PKNOX2: variants seen among roughly 807,000 people sequenced by gnomAD.
PKNOX2 encodes the protein homeobox protein PKNOX2.
Under a neutral mutation model 53.1 loss-of-function variants are expected in PKNOX2, and 14 were observed. The ratio of observed to expected loss-of-function variants is 0.26; its 90% CI spans 0.17 to 0.41. The LOEUF is 0.41. PKNOX2 is among the 10% of genes least tolerant of loss of function. The pLI is 1.00. For synonymous variants in PKNOX2, 257 were observed against 242.8 expected (o/e 1.06, Z -0.54); for missense variants, 496 against 602.8 (o/e 0.82, Z 1.85).
At chr11:125,177,541 C>G (rs1286110878) in intron 1 of PKNOX2, among the ~76,000 whole-genome samples, 2 of 152,178 alleles carry the variant, frequency 1.3e-5, no homozygotes, top group Admixed American at 6.5e-5. Flanking sequence ...AGTTTCTTCC[C>G]TTTTGTGAAA....
chr11:125,353,226 A>G (rs1297285100), intron 4 of PKNOX2, among the ~76,000 whole-genome samples: 1 of 152,200 alleles, frequency 6.6e-6, no homozygotes, highest in East Asian at 1.9e-4. Context: ...CCACACCTCC[A>G]TACCCAAGAC....
rs1275139973 is a variant in PKNOX2 at position 125,183,424 on chromosome 11, G to A, written c.-201+18648G>A. Reference sequence around the variant, plus strand: ...GTAGAGACGGGGTTTCACCTTGTTAGCCAGGATGGTCTCGATCTCCTGACC... The same window carrying A: ...GTAGAGACGGGGTTTCACCTTGTTAACCAGGATGGTCTCGATCTCCTGACC... On this transcript the variant is annotated intron_variant, in intron 1 of 12. Coordinates refer to ENST00000298282, the MANE Select transcript of PKNOX2 (RefSeq NM_001382323.2). Among the ~76,000 whole-genome samples, 3 of 142,918 alleles carry A rather than the reference G, an allele frequency of 2.1e-5. 1 individual carries two copies. Among genetic ancestry groups the A allele is most frequent in the Non-Finnish European group, 4.6e-5 (3 of 64,872 alleles). The allele number at this position is 142,918 out of a possible 152,430, so 93.8% of individuals were successfully genotyped here.
At chr11:125,337,934 C>A (rs1950506821) in intron 3 of PKNOX2, among the ~76,000 whole-genome samples, 1 of 152,188 alleles carries the variant, frequency 6.6e-6, no homozygotes, top group Admixed American at 6.5e-5. Context: ...GACCCTTCCA[C>A]CTCTGTTGGT....
intron 2 of PKNOX2, among the ~76,000 whole-genome samples, chr11:125,318,343 A>G (rs1443968040): frequency 1.3e-5 from 2 of 149,824 alleles, no homozygotes. Flanking sequence ...TTGGTCTCAA[A>G]CTCCTGACCT....
intron 5 of PKNOX2, among the ~76,000 whole-genome samples, chr11:125,376,705 T>C (rs1486996478): frequency 6.6e-6 from 1 of 152,204 alleles, no homozygotes; most frequent in East Asian, 1.9e-4. Context: ...ATTCACTGAT[T>C]CGTCAAAAAT....
intron 10 of PKNOX2, among the ~76,000 whole-genome samples, chr11:125,427,233 C>T (rs1956476232): frequency 6.6e-6 from 1 of 152,212 alleles, no homozygotes; most frequent in Admixed American, 6.5e-5. Context: ...TCCCATCCTG[C>T]CTCCGCTCCT....
At chr11:125,229,241 C>T (rs1280324061) in intron 1 of PKNOX2, among the ~76,000 whole-genome samples, 1 of 152,174 alleles carries the variant, frequency 6.6e-6, no homozygotes, top group Non-Finnish European at 1.5e-5. Flanking sequence ...ATGAGTCAGC[C>T]TCTAGGTGTC....
intron 7 of PKNOX2, among the ~76,000 whole-genome samples, chr11:125,399,004 T>A (rs1276610766): frequency 6.6e-6 from 1 of 152,222 alleles, no homozygotes; most frequent in East Asian, 1.9e-4. Context: ...CCTAGACCCC[T>A]AAGGAACCAC....
At chr11:125,395,642 A>G (rs1954334572) in intron 6 of PKNOX2, among the ~76,000 whole-genome samples, 1 of 151,818 alleles carries the variant, frequency 6.6e-6, no homozygotes, top group African/African-American at 2.4e-5. Context: ...GTGATATCTC[A>G]TTGTGGTTTT....
intron 1 of PKNOX2, among the ~76,000 whole-genome samples, chr11:125,186,044 T>A (rs992069839): frequency 3.2e-5 from 4 of 125,508 alleles, no homozygotes; most frequent in Non-Finnish European, 7.0e-5. Context: ...CATTTGTTAT[T>A]CTCTGTTTTT....
intron 2 of PKNOX2, among the ~76,000 whole-genome samples, chr11:125,276,805 T>A (rs764058004): frequency 3.0e-4 from 45 of 152,166 alleles, no homozygotes; most frequent in Non-Finnish European, 4.9e-4. Context: ...ATGTTTGAAG[T>A]GAGTCTAGTC....
At position 125,267,245 on chromosome 11, in the gene PKNOX2, C is replaced by G. The variant is rs536903491; in HGVS notation, c.-130+32130C>G. On this transcript the variant is annotated intron_variant, in intron 2 of 12. Transcript: ENST00000298282. ...AACGACAGTTCTACCAAACTCCTCC[C>G]CTTGTGCTCATGTGTGTGTTCCCGT... 1.2e-4 allele frequency among the ~76,000 whole-genome samples: 19 copies of G among 152,186 alleles called. No individual in the cohort carries two copies. In the South Asian group the frequency reaches 1.4e-3, roughly 12 times the overall value.
At chr11:125,405,685 G>A (rs1229463428) in intron 7 of PKNOX2, among the ~76,000 whole-genome samples, 3 of 152,186 alleles carry the variant, frequency 2.0e-5, no homozygotes, top group South Asian at 2.1e-4. Flanking sequence ...CCAGAGGATG[G>A]TGCTCGGGAG....
At chr11:125,191,651 G>T (rs645219) in intron 1 of PKNOX2, among the ~76,000 whole-genome samples, 106,452 of 151,656 alleles carry the variant, frequency 0.7, 37,511 homozygotes, top group African/African-American at 0.75. Context: ...GGGGCGTGTG[G>T]TTGGGGTGGG....
At chr11:125,343,189 G>A (rs542734341) in intron 3 of PKNOX2, among the ~76,000 whole-genome samples, 1 of 152,304 alleles carries the variant, frequency 6.6e-6, no homozygotes, top group East Asian at 1.9e-4. Context: ...ACTGGCAAAA[G>A]CGGGACCCAG....
In PKNOX2 at chr11:125,249,840, T is replaced by G. The variant is rs567489569; in HGVS notation, c.-130+14725T>G. ...ATCCCAGCACTTTGGGAGGCCAAGG[T>G]GGGTGGATCACCTCAGGTTGGGAGT... is the stretch of plus-strand genomic sequence containing the variant. On this transcript the variant is annotated intron_variant, in intron 2 of 12. Transcript: ENST00000298282. Among the ~76,000 whole-genome samples the G allele has an allele frequency of 3.9e-5, 6 of 152,124 alleles. No homozygotes were observed. The South Asian group carries it at 1.2e-3, about 32-fold the overall frequency.
intron 2 of PKNOX2, among the ~76,000 whole-genome samples, chr11:125,321,094 G>A (rs1338216374): frequency 6.6e-6 from 1 of 152,204 alleles, no homozygotes; most frequent in Non-Finnish European, 1.5e-5. Context: ...AGGAAGAGCT[G>A]TATTTCAACT....
rs1292175557 is a variant in PKNOX2 at position 125,410,333 on chromosome 11, C to T, written c.718+8C>T. The T allele has an allele frequency of 1.2e-6, 2 of 1,613,844 alleles. No homozygotes were observed. Among genetic ancestry groups the T allele is most frequent in the Admixed American group, 1.7e-5 (1 of 60,012 alleles). ...ACTCACAAGTTGTGTCAGGTCGGTG[C>T]AAAGACTGGGAAGGGTGATTGTGGG... On this transcript the variant is annotated splice_region_variant and intron_variant, in intron 8 of 12. Coordinates refer to ENST00000298282, the MANE Select transcript of PKNOX2 (RefSeq NM_001382323.2).
Position 125,372,209 on chromosome 11 carries a change from C to T in PKNOX2, c.227+4224C>T, listed in dbSNP as rs73628706. ...TCGAGGCGGGGAAGGGGAGCAGCTC[C>T]GATTCGTAGCATTTGCTGATCCCCG... On this transcript the variant is annotated intron_variant, in intron 5 of 12. Coordinates refer to ENST00000298282, the MANE Select transcript of PKNOX2 (RefSeq NM_001382323.2). Among the ~76,000 whole-genome samples, 1,140 of 152,236 alleles carry T rather than the reference C, an allele frequency of 7.5e-3. 18 individuals carry two copies. Among genetic ancestry groups the T allele is most frequent in the African/African-American group, 0.026 (1,066 of 41,530 alleles).
Sources: gnomAD v4.1 joint callset for allele counts (sites outside exome capture counted in the v4.1 genomes callset) on GRCh38, gnomAD v4.1.1 for gene constraint, MANE v1.5 for transcripts, NCBI Gene and HGNC (gene_info 2026-07-23, HGNC 2026-07-21) for gene names.